Variants in EBF2 observed in about 807,000 individuals in gnomAD.
EBF2 encodes EBF transcription factor 2, also known as transcription factor COE2.
Under a neutral mutation model 72.8 loss-of-function variants are expected in EBF2, and 21 were observed. The observed-to-expected ratio is 0.29, with a 90% CI of 0.20 to 0.42. EBF2 has a LOEUF of 0.42. Among genes scored for constraint, EBF2 ranks in the 10% least tolerant of loss-of-function variants. EBF2 has a pLI of 1.00. For missense variants in EBF2, 637 were observed against 731.2 expected (o/e 0.87, Z 1.49); for synonymous variants, 299 against 274.2 (o/e 1.09, Z -0.89).
intron 10 of EBF2, among the ~76,000 whole-genome samples, chr8:25,871,344 C>A (rs537458321): frequency 6.6e-6 from 1 of 152,102 alleles, no homozygotes; most frequent in African/African-American, 2.4e-5. Flanking sequence ...ACATGGAGTG[C>A]GGGGATGCTG....
At chr8:25,935,382 A>C (rs748631808) in intron 6 of EBF2, among the ~76,000 whole-genome samples, 1 of 152,118 alleles carries the variant, frequency 6.6e-6, no homozygotes, top group Non-Finnish European at 1.5e-5. Context: ...CCCTGTTTAC[A>C]CTGGGAATTC....
intron 6 of EBF2, among the ~76,000 whole-genome samples, chr8:25,953,714 G>A (rs967789652): frequency 6.6e-6 from 1 of 152,208 alleles, no homozygotes; most frequent in African/African-American, 2.4e-5. Flanking sequence ...CCCAAAGGCT[G>A]TGGAGACTCC....
chr8:25,899,299 G>C (rs1013584293), intron 7 of EBF2, among the ~76,000 whole-genome samples: 1 of 150,944 alleles, frequency 6.6e-6, no homozygotes, highest in African/African-American at 2.4e-5. Flanking sequence ...GGACTATCTG[G>C]TTTGTTTTAT....
In EBF2 at chr8:26,044,681, A is replaced by T; in HGVS notation, c.131+48T>A. 1 of 1,595,898 alleles carries T rather than the reference A, an allele frequency of 6.3e-7. No individual in the cohort carries two copies. The highest frequency in any genetic ancestry group is 8.6e-7 in the Non-Finnish European group (1 of 1,167,686). On this transcript the variant is annotated intron_variant, in intron 1 of 15. Transcript: ENST00000520164. This position sits in a 1 kb window ranked among gnomAD's most constrained non-coding sequence, Gnocchi z 4.1. ...GGGGGGGGTGCACACGGAGAGACAGACCGTAAGAGCGAGAGACAGCATAAT... is the reference window on the plus strand; with the variant it reads ...GGGGGGGGTGCACACGGAGAGACAGTCCGTAAGAGCGAGAGACAGCATAAT...
At chr8:25,846,037 A>G (rs1273564280) in intron 15 of EBF2, among the ~76,000 whole-genome samples, 2 of 152,118 alleles carry the variant, frequency 1.3e-5, no homozygotes, top group East Asian at 3.9e-4. Context: ...CCCTGCCCAT[A>G]TAGCCTTTAT....
intron 6 of EBF2, among the ~76,000 whole-genome samples, chr8:25,970,066 G>A (rs921127267): frequency 9.9e-5 from 15 of 152,174 alleles, no homozygotes; most frequent in African/African-American, 3.6e-4. Context: ...ACTTGGTTAG[G>A]GTAATGCAGT....
chr8:25,976,002 A>C (rs1371386803), intron 6 of EBF2, among the ~76,000 whole-genome samples: 1 of 152,174 alleles, frequency 6.6e-6, no homozygotes, highest in East Asian at 1.9e-4. Context: ...ATAGGATTCA[A>C]ACCAAAGCCA....
intron 14 of EBF2, among the ~76,000 whole-genome samples, chr8:25,852,509 C>CACACACACTCCATTCCATTT (rs1802002789): frequency 6.6e-6 from 1 of 152,096 alleles, no homozygotes; most frequent in African/African-American, 2.4e-5. Flanking sequence ...ATGAGGCATT[C>CACACACACTCCATTCCATTT]ACACACACTC....
At chr8:26,005,475 T>TA (rs1421641485) in intron 6 of EBF2, among the ~76,000 whole-genome samples, 170 of 4,034 alleles carry the variant, frequency 0.042, 5 homozygotes, top group African/African-American at 0.096. Flanking sequence ...AAATATAATA[T>TA]TATTTATAAA....
chr8:25,960,330 C>A (rs1280766790), intron 6 of EBF2, among the ~76,000 whole-genome samples: 1 of 152,216 alleles, frequency 6.6e-6, no homozygotes, highest in African/African-American at 2.4e-5. Flanking sequence ...CCAGCGGTGG[C>A]TCTCTTCACA....
chr8:25,870,670 C>T (rs879783525), intron 10 of EBF2, among the ~76,000 whole-genome samples: 12 of 152,130 alleles, frequency 7.9e-5, no homozygotes, highest in East Asian at 3.9e-4. Flanking sequence ...CACTAGGATA[C>T]AGGGTCATGT....
intron 6 of EBF2, among the ~76,000 whole-genome samples, chr8:25,995,238 G>A (rs952001388): frequency 1.3e-4 from 20 of 152,236 alleles, no homozygotes; most frequent in East Asian, 3.9e-4. Flanking sequence ...TTTGGAAGAC[G>A]GAGGTTGCAG....
At chr8:26,034,395 T>C (rs1215112802) in intron 5 of EBF2, among the ~76,000 whole-genome samples, 1 of 152,152 alleles carries the variant, frequency 6.6e-6, no homozygotes, top group East Asian at 1.9e-4. Context: ...GGGTACCTGA[T>C]AGAAAGACCT....
chr8:25,944,645 TATG>T (rs1392933821), intron 6 of EBF2, among the ~76,000 whole-genome samples: 9 of 148,092 alleles, frequency 6.1e-5, no homozygotes, highest in Non-Finnish European at 1.0e-4. Flanking sequence ...TATAATTATA[TATG>T]ATATTAACAT....
intron 5 of EBF2, 128 bp from the exon 6 acceptor site, chr8:26,033,281 G>A: frequency 1.2e-6 from 1 of 824,300 alleles, no homozygotes; most frequent in South Asian, 1.5e-5. Flanking sequence ...TAGTACAATG[G>A]CTTGATGCCT....
chr8:25,988,086 C>G (rs1186661945), intron 6 of EBF2, among the ~76,000 whole-genome samples: 1 of 152,162 alleles, frequency 6.6e-6, no homozygotes, highest in Non-Finnish European at 1.5e-5. Context: ...CCTAGCACTT[C>G]TTGTCCATGG....
At chr8:25,981,136 C>G (rs1314510063) in intron 6 of EBF2, among the ~76,000 whole-genome samples, 1 of 152,162 alleles carries the variant, frequency 6.6e-6, no homozygotes, top group East Asian at 1.9e-4. Flanking sequence ...CCTGATGACC[C>G]CTGATTTGGC....
rs56848916 is a variant in EBF2, at chr8:26,004,673, C to CAAAAAAAAAAAAAAAAAA, written c.551+28394_551+28411dup. ...CTGGGTGACATAGCAAGACTGTCTCCAAAAAAAAAAAAAAAAAAAAAAAAA... is the reference window on the plus strand; with the variant it reads ...CTGGGTGACATAGCAAGACTGTCTCCAAAAAAAAAAAAAAAAAAAAAAAAAAAAAAAAAAAAAAAAAAA... On this transcript the variant is annotated intron_variant, in intron 6 of 15. Coordinates refer to ENST00000520164, the MANE Select transcript of EBF2 (RefSeq NM_022659.4). Among the ~76,000 whole-genome samples, 2 of 45,458 alleles carry CAAAAAAAAAAAAAAAAAA rather than the reference C, an allele frequency of 4.4e-5. 1 individual carries two copies. Among genetic ancestry groups the CAAAAAAAAAAAAAAAAAA allele is most frequent in the Non-Finnish European group, 7.4e-5 (2 of 26,998 alleles). The allele number at this position is 45,458 out of a possible 152,430, so 29.8% of individuals were successfully genotyped here. A position where few individuals can be genotyped will look rare whatever the true frequency, so the allele number is the denominator to read the frequency against.
chr8:26,030,854 G>T (rs548132516), intron 6 of EBF2, among the ~76,000 whole-genome samples: 1 of 152,162 alleles, frequency 6.6e-6, no homozygotes, highest in Non-Finnish European at 1.5e-5. Context: ...AGAATTTAAA[G>T]CATGCTAGCA....
Sources: gnomAD v4.1 joint callset for allele counts (sites outside exome capture counted in the v4.1 genomes callset) on GRCh38, gnomAD v4.1.1 for gene constraint, Gnocchi (gnomAD v3.1) non-coding constraint, MANE v1.5 for transcripts, NCBI Gene and HGNC (gene_info 2026-07-23, HGNC 2026-07-21) for gene names.